ANTXR1: variants seen among roughly 807,000 people sequenced by gnomAD.
ANTXR1 encodes ANTXR cell adhesion molecule 1.
Under a neutral mutation model 78.1 loss-of-function variants are expected in ANTXR1, and 19 were observed. That is an observed-to-expected ratio of 0.24 (90% CI 0.17 to 0.36). The LOEUF is 0.36. ANTXR1 is among the 10% of genes least tolerant of loss of function. The pLI, the probability that ANTXR1 is intolerant of heterozygous loss-of-function variation, is 1.00. For missense variants in ANTXR1, 518 were observed against 718.6 expected (o/e 0.72, Z 3.19); for synonymous variants, 273 against 260.5 (o/e 1.05, Z -0.46).
At chr2:69,164,166 G>C (rs982807123) in intron 13 of ANTXR1, among the ~76,000 whole-genome samples, 2 of 152,164 alleles carry the variant, frequency 1.3e-5, no homozygotes, top group African/African-American at 4.8e-5. Flanking sequence ...TTACATGGAA[G>C]CCTGGGTTAG....
rs542149308 is a variant in ANTXR1 at position 69,179,795 on chromosome 2, C to G, written c.1090-1991C>G. On this transcript the variant is annotated intron_variant, in intron 14 of 17. Coordinates refer to ENST00000303714, the MANE Select transcript of ANTXR1 (RefSeq NM_032208.3). ...CACCATGTACCTTCCTGGGTGGTTGCAAGATTAAAGGATTAATAATACATT... is the reference window on the plus strand; with the variant it reads ...CACCATGTACCTTCCTGGGTGGTTGGAAGATTAAAGGATTAATAATACATT... 1.4e-4 allele frequency among the ~76,000 whole-genome samples: 21 copies of G among 152,188 alleles called. No homozygotes were observed. The South Asian group carries it at 4.1e-3, about 30-fold the overall frequency.
chr2:69,172,288 G>C, intron 14 of ANTXR1: 1 of 1,206,792 alleles, frequency 8.3e-7, no homozygotes, highest in Admixed American at 1.8e-5. Flanking sequence ...GCGCTTTTTG[G>C]CATGTGCTGA....
intron 12 of ANTXR1, among the ~76,000 whole-genome samples, chr2:69,139,540 T>C (rs1673012761): frequency 6.6e-6 from 1 of 152,194 alleles, no homozygotes; most frequent in Admixed American, 6.5e-5. Context: ...TATTACACAG[T>C]TTAATGACAT....
intron 8 of ANTXR1, among the ~76,000 whole-genome samples, chr2:69,083,359 C>A (rs1670953000): frequency 6.6e-6 from 1 of 152,188 alleles, no homozygotes; most frequent in Non-Finnish European, 1.5e-5. Flanking sequence ...GCTTGTTGGT[C>A]ACTGGAGGCA....
At chr2:69,208,787 C>G (rs1342855451) in intron 17 of ANTXR1, among the ~76,000 whole-genome samples, 1 of 152,148 alleles carries the variant, frequency 6.6e-6, no homozygotes, top group African/African-American at 2.4e-5. Flanking sequence ...GGATCTCTGC[C>G]CTTTCTGGTT....
In ANTXR1 at chr2:69,095,622, T is replaced by C. The variant is rs572713693; in HGVS notation, c.703+4703T>C. On this transcript the variant is annotated intron_variant, in intron 9 of 17. Coordinates refer to ENST00000303714, the MANE Select transcript of ANTXR1 (RefSeq NM_032208.3). Reference sequence around the variant, plus strand: ...GCTCCAGGAGACCACCATGGAGGGGTTGGGGAGGAATTCAGTGAGGCAGAT... The same window carrying C: ...GCTCCAGGAGACCACCATGGAGGGGCTGGGGAGGAATTCAGTGAGGCAGAT... 7.0e-4 allele frequency among the ~76,000 whole-genome samples: 107 copies of C among 152,042 alleles called. 2 individuals carry two copies. The South Asian group carries it at 0.021, about 30-fold the overall frequency.
intron 12 of ANTXR1, among the ~76,000 whole-genome samples, chr2:69,130,806 T>G (rs1398444829): frequency 6.6e-6 from 1 of 152,188 alleles, no homozygotes; most frequent in Non-Finnish European, 1.5e-5. Context: ...AGAAGCATGC[T>G]CCTTTTGAGT....
chr2:69,183,861 T>C (rs764412397), intron 16 of ANTXR1, among the ~76,000 whole-genome samples: 1 of 152,188 alleles, frequency 6.6e-6, no homozygotes, highest in Non-Finnish European at 1.5e-5. Flanking sequence ...GAAAAGACTC[T>C]AGACATAATC....
intron 17 of ANTXR1, among the ~76,000 whole-genome samples, chr2:69,215,839 C>T (rs989466516): frequency 6.6e-6 from 1 of 152,256 alleles, no homozygotes; most frequent in African/African-American, 2.4e-5. Flanking sequence ...AAATTCTTCA[C>T]TTGGCTACAT....
chr2:69,174,624 CAAA>C (rs913750560), intron 14 of ANTXR1, among the ~76,000 whole-genome samples: 1 of 142,200 alleles, frequency 7.0e-6, no homozygotes, highest in Non-Finnish European at 1.5e-5. Flanking sequence ...GACTCTATCT[CAAA>C]AAAAAAAAGA....
chr2:69,117,395 G>C (rs1672180887), intron 10 of ANTXR1, among the ~76,000 whole-genome samples: 1 of 152,190 alleles, frequency 6.6e-6, no homozygotes, highest in Non-Finnish European at 1.5e-5. Context: ...CTCTCTCTCA[G>C]AGGGTTGTAG....
intron 8 of ANTXR1, 155 bp from the exon 9 acceptor site, chr2:69,090,704 G>A (rs1199091211): frequency 7.3e-6 from 5 of 688,860 alleles, no homozygotes; most frequent in Non-Finnish European, 1.3e-5. Flanking sequence ...GTTTGGTATT[G>A]GTACTAGTCA....
At chr2:69,063,270 G>A (rs185721056) in intron 3 of ANTXR1, among the ~76,000 whole-genome samples, 10 of 151,678 alleles carry the variant, frequency 6.6e-5, no homozygotes, top group Admixed American at 3.9e-4. Context: ...TCTAAAAAGC[G>A]GCCAGAGGGA....
At chr2:69,064,208 T>G (rs1670325597) in intron 3 of ANTXR1, among the ~76,000 whole-genome samples, 1 of 152,228 alleles carries the variant, frequency 6.6e-6, no homozygotes, top group Non-Finnish European at 1.5e-5. Context: ...ATATTATAGC[T>G]TGAAACAATA....
At chr2:69,170,373 C>A (rs1477490159) in intron 14 of ANTXR1, 84 bp downstream of exon 14, 1 of 1,493,816 alleles carries the variant, frequency 6.7e-7, no homozygotes, top group Non-Finnish European at 9.3e-7. Context: ...GACACTTAGC[C>A]CCCTGCAGAG....
Position 69,173,266 on chromosome 2 carries a change from G to A in ANTXR1, c.1089+2977G>A, listed in dbSNP as rs73934773. Among the ~76,000 whole-genome samples, 900 of 152,238 alleles carry A rather than the reference G, an allele frequency of 5.9e-3. 17 individuals are homozygous for A. Among genetic ancestry groups the A allele is most frequent in the African/African-American group, 0.02 (845 of 41,540 alleles). On this transcript the variant is annotated intron_variant, in intron 14 of 17. Transcript: ENST00000303714. ...GCCGCCTCTCTGCCCTTGTAACTCT[G>A]GTTTGTACAGAGCCCTCTCTCCTGA...
intron 17 of ANTXR1, among the ~76,000 whole-genome samples, chr2:69,237,965 G>T (rs900571716): frequency 2.0e-5 from 3 of 152,202 alleles, no homozygotes; most frequent in African/African-American, 7.2e-5. Flanking sequence ...GTGGCCAAGT[G>T]TTAGAAGATG....
chr2:69,127,333 T>C (rs781702516), intron 12 of ANTXR1, among the ~76,000 whole-genome samples: 26 of 151,888 alleles, frequency 1.7e-4, no homozygotes, highest in Non-Finnish European at 2.5e-4. Context: ...GGGTGGGATA[T>C]CCCAAACCAA....
At chr2:69,023,304 AGAT>A (rs1671248220) in intron 1 of ANTXR1, among the ~76,000 whole-genome samples, 1 of 151,682 alleles carries the variant, frequency 6.6e-6, no homozygotes, top group Non-Finnish European at 1.5e-5. Context: ...GTGATGATAA[AGAT>A]GATGGTGATG....
Sources: allele counts gnomAD v4.1 joint callset (sites outside exome capture counted in the v4.1 genomes callset), GRCh38; gene constraint gnomAD v4.1.1; transcripts MANE v1.5; gene names NCBI Gene and HGNC (gene_info 2026-07-23, HGNC 2026-07-21).